The following DCT variants were observed in gnomAD, a reference collection of about 807,000 sequenced individuals.
DCT encodes the protein dopachrome tautomerase, also known as L-dopachrome tautomerase.
Under a neutral mutation model 53.0 loss-of-function variants are expected in DCT, and 47 were observed. The observed-to-expected ratio is 0.89, with a 90% confidence interval of 0.70 to 1.13. DCT has a LOEUF of 1.13. DCT is among the 50% of genes most tolerant of loss of function. The pLI is 0.00. For missense variants in DCT, 669 were observed against 637.4 expected (o/e 1.05, Z -0.53); for synonymous variants, 244 against 237.0 (o/e 1.03, Z -0.27).
intron 6 of DCT, chr13:94,444,239 T>C: frequency 3.5e-6 from 1 of 287,602 alleles, no homozygotes; most frequent in South Asian, 3.4e-5. Flanking sequence ...ACTGGTATAA[T>C]GCAAGTATTC....
chr13:94,463,846 G>C (rs1357342336), intron 4 of DCT, among the ~76,000 whole-genome samples: 1 of 152,132 alleles, frequency 6.6e-6, no homozygotes, highest in African/African-American at 2.4e-5. Context: ...AGCTGAAAAA[G>C]GTCTCCAAGG....
chr13:94,455,376 T>C (rs923831136), intron 6 of DCT, among the ~76,000 whole-genome samples: 1 of 89,836 alleles, frequency 1.1e-5, no homozygotes, highest in Non-Finnish European at 2.4e-5. Context: ...AGAGAGACTG[T>C]CTCTTAGAGA....
chr13:94,445,908 G>A, intron 6 of DCT: 1 of 622,776 alleles, frequency 1.6e-6, no homozygotes, highest in East Asian at 2.8e-5. Context: ...GAAATGGGAA[G>A]AGCCCCATTC....
the DCT span, among the ~76,000 whole-genome samples, chr13:94,490,666 A>T: frequency 6.6e-6 from 1 of 151,988 alleles, no homozygotes; most frequent in South Asian, 2.1e-4. Flanking sequence ...ACAAAGCTAA[A>T]AAAACCTCCA....
At chr13:94,480,785 G>C (rs879566195), upstream of DCT, among the ~76,000 whole-genome samples, 9 of 152,204 alleles carry the variant, frequency 5.9e-5, no homozygotes, top group Non-Finnish European at 1.2e-4. Flanking sequence ...AGCCAGAGTT[G>C]AGAATCACTG....
intron 6 of DCT, chr13:94,452,530 G>A (rs1166781409): frequency 1.4e-6 from 1 of 704,312 alleles, no homozygotes; most frequent in South Asian, 1.6e-5. Context: ...ACTTCTAGAG[G>A]CAATTCTGTA....
the DCT span, among the ~76,000 whole-genome samples, chr13:94,532,246 G>A: frequency 3.3e-5 from 5 of 152,158 alleles, no homozygotes; most frequent in Non-Finnish European, 5.9e-5. Flanking sequence ...CAAGGATCTA[G>A]AACTAGAAAT....
intron 1 of DCT, among the ~76,000 whole-genome samples, 174 bp from the exon 2 acceptor site, chr13:94,469,219 G>A (rs759010233): frequency 2.0e-4 from 30 of 152,088 alleles, no homozygotes; most frequent in Non-Finnish European, 2.4e-4. Flanking sequence ...TCTCCAAGTG[G>A]ACTAAGCACT....
At position 94,472,549 on chromosome 13, in the gene DCT, TATATATATATATATATATA is replaced by T. The variant is rs1222734029; in HGVS notation, c.296-3523_296-3505del. Reference sequence around the variant, plus strand: ...ATATATATATATATATATATATATATATATATATATATATATATATTTTTTTTTTTTTTTTTTTTTTTTT... The same window carrying T: ...ATATATATATATATATATATATATATTTTTTTTTTTTTTTTTTTTTTTTTT... On this transcript the variant is annotated intron_variant, in intron 1 of 7. Transcript: ENST00000377028. Among the ~76,000 whole-genome samples the T allele has an allele frequency of 3.4e-3, 103 of 30,666 alleles. 1 individual carries two copies. Among genetic ancestry groups the T allele is most frequent in the African/African-American group, 0.014 (91 of 6,688 alleles). 20.1% of individuals were successfully genotyped at this position (30,666 alleles called of 152,430 possible).
intron 1 of DCT, among the ~76,000 whole-genome samples, chr13:94,472,166 AT>A (rs1267911613): frequency 6.6e-6 from 1 of 152,056 alleles, no homozygotes; most frequent in Admixed American, 6.5e-5. Context: ...GACTACTCTT[AT>A]TTTCTTTGCC....
intron 6 of DCT, among the ~76,000 whole-genome samples, 166 bp from the exon 7 acceptor site, chr13:94,443,803 A>G (rs1882527536): frequency 1.3e-5 from 2 of 152,168 alleles, no homozygotes; most frequent in Non-Finnish European, 1.5e-5. Flanking sequence ...GGAAGCCCAA[A>G]TCAACTCATA....
At position 94,468,892 on chromosome 13, in the gene DCT, T is replaced by C; in HGVS notation, c.449A>G (p.Lys150Arg). ...QFLGALDLAK[K>R]RVHPDYVITT... ...GATCACGTAGTCGGGGTGTACTCTC[T>C]TCTTCGCGAGATCTAAGGCGCCCAA... The change falls in exon 2 of 8, where the codon AAG (lysine) becomes AGG (arginine). Residue 150 changes from lysine to arginine, a missense_variant. Transcript: ENST00000377028. 6.2e-7 allele frequency: 1 copy of C among 1,614,182 alleles called. No individual in the cohort carries two copies. The highest frequency in any genetic ancestry group is 8.5e-7 in the Non-Finnish European group (1 of 1,180,028).
chr13:94,469,185 A>G (rs1407072507), intron 1 of DCT, 140 bp from the exon 2 acceptor site: 11 of 682,154 alleles, frequency 1.6e-5, no homozygotes, highest in Admixed American at 2.8e-5. Context: ...TTTTCCTCCC[A>G]TGGTCTCCTC....
the DCT span, among the ~76,000 whole-genome samples, chr13:94,503,650 T>C: frequency 6.6e-6 from 1 of 152,186 alleles, no homozygotes; most frequent in East Asian, 1.9e-4. Context: ...AAAGACTTCC[T>C]GGAGCCACCA....
At chr13:94,456,333 C>T (rs776797892) in intron 6 of DCT, among the ~76,000 whole-genome samples, 5 of 152,186 alleles carry the variant, frequency 3.3e-5, no homozygotes, top group Non-Finnish European at 4.4e-5. Flanking sequence ...AGCTACTTCA[C>T]ACCCATCAGG....
At chr13:94,466,517 TTTAAAAAA>T (rs1480715471) in intron 3 of DCT, 33 bp downstream of exon 3, 10 of 1,355,368 alleles carry the variant, frequency 7.4e-6, no homozygotes, top group Non-Finnish European at 9.2e-6. Flanking sequence ...CAATAAATTT[TTTAAAAAA>T]TTAAAAGAAC....
At chr13:94,492,934 T>C in the DCT span, among the ~76,000 whole-genome samples, 1 of 152,218 alleles carries the variant, frequency 6.6e-6, no homozygotes, top group East Asian at 1.9e-4. Flanking sequence ...TTTTTCCAAA[T>C]TTGCAGTTGT....
chr13:94,494,143 C>G, the DCT span, among the ~76,000 whole-genome samples: 1 of 152,178 alleles, frequency 6.6e-6, no homozygotes, highest in African/African-American at 2.4e-5. Context: ...CCACTCATGG[C>G]TCCCCAGGAT....
the DCT span, among the ~76,000 whole-genome samples, chr13:94,498,764 G>A: frequency 6.6e-6 from 1 of 152,202 alleles, no homozygotes; most frequent in Non-Finnish European, 1.5e-5. Context: ...GATTGTAAAT[G>A]CACCAATCAG....
Sources: allele counts gnomAD v4.1 joint callset (sites outside exome capture counted in the v4.1 genomes callset), GRCh38; gene constraint gnomAD v4.1.1; transcripts MANE v1.5; gene names NCBI Gene and HGNC (gene_info 2026-07-23, HGNC 2026-07-21).